The following SLC41A2 variants were observed in gnomAD, a reference collection of about 807,000 sequenced individuals.
SLC41A2 encodes the protein solute carrier family 41 member 2.
SLC41A2 carries 32 observed loss-of-function variants against 58.3 expected under a neutral mutation model. The observed-to-expected ratio is 0.55, with a 90% CI of 0.41 to 0.74. SLC41A2 has a LOEUF of 0.74. Among genes scored for constraint, SLC41A2 ranks in the 30% least tolerant of loss-of-function variants. SLC41A2 has a pLI of 0.00. For missense variants in SLC41A2, 514 were observed against 680.6 expected, an observed-to-expected ratio of 0.76 and a Z score of 2.72; for synonymous variants, 190 against 235.0, an observed-to-expected ratio of 0.81 and a Z score of 1.75.
At chr12:104,870,481 T>C (rs2043714445) in intron 6 of SLC41A2, among the ~76,000 whole-genome samples, 1 of 152,262 alleles carries the variant, frequency 6.6e-6, no homozygotes, top group Non-Finnish European at 1.5e-5. Context: ...TTGTGCTAAT[T>C]TGTTACAATG....
In SLC41A2 at chr12:104,854,388, C is replaced by G. The variant is rs1195763449; in HGVS notation, c.1255+6903G>C. 2.0e-5 allele frequency among the ~76,000 whole-genome samples: 3 copies of G among 152,028 alleles called. No individual in the cohort carries two copies. In the East Asian group the frequency reaches 5.8e-4, roughly 29 times the overall value. ...ACCATCCTGGCTAACACGGTGAAAC[C>G]CCGTCTCTACTAAAAATACAAAAAA... On this transcript the variant is annotated intron_variant, in intron 8 of 10. Transcript: ENST00000258538.
intron 1 of SLC41A2, among the ~76,000 whole-genome samples, chr12:104,940,404 G>A (rs1423865877): frequency 6.6e-6 from 1 of 151,292 alleles, no homozygotes; most frequent in Non-Finnish European, 1.5e-5. Context: ...GTTAAATGAC[G>A]AGTTAATGGG....
chr12:104,916,750 C>T (rs2046340506), intron 2 of SLC41A2, among the ~76,000 whole-genome samples: 1 of 152,126 alleles, frequency 6.6e-6, no homozygotes, highest in Admixed American at 6.5e-5. Context: ...ATAAATGGTG[C>T]TGGGAAAACT....
chr12:104,950,772 C>T (rs1345962226), intron 1 of SLC41A2, among the ~76,000 whole-genome samples: 1 of 152,054 alleles, frequency 6.6e-6, no homozygotes, highest in Non-Finnish European at 1.5e-5. Flanking sequence ...ATTGAAGCAC[C>T]CTGGTTTCCA....
At chr12:104,825,845 T>C (rs1565818171) in intron 10 of SLC41A2, among the ~76,000 whole-genome samples, 1 of 152,206 alleles carries the variant, frequency 6.6e-6, no homozygotes, top group Non-Finnish European at 1.5e-5. Context: ...CCATGCTTTA[T>C]GGCATGAACA....
chr12:104,812,865 CA>C (rs112437484), intron 10 of SLC41A2, among the ~76,000 whole-genome samples: 21 of 146,858 alleles, frequency 1.4e-4, no homozygotes, highest in East Asian at 1.4e-3. Flanking sequence ...GGAGCACTTG[CA>C]AAAAAAAAAA....
At chr12:104,878,019 T>C (rs538926539) in intron 6 of SLC41A2, among the ~76,000 whole-genome samples, 4 of 151,838 alleles carry the variant, frequency 2.6e-5, no homozygotes, top group African/African-American at 9.7e-5. Context: ...AAAAAATTAA[T>C]TAATTAATTA....
At chr12:104,938,989 A>G (rs949119786) in intron 1 of SLC41A2, among the ~76,000 whole-genome samples, 1 of 152,210 alleles carries the variant, frequency 6.6e-6, no homozygotes, top group African/African-American at 2.4e-5. Flanking sequence ...TTCCTAAAAA[A>G]TAAGTATACA....
In SLC41A2 at chr12:104,889,153, G is replaced by C. The variant is rs1241755504; in HGVS notation, c.760C>G (p.Leu254Val). 1 of 1,608,476 alleles carries C rather than the reference G, an allele frequency of 6.2e-7. No homozygotes were observed. The highest frequency in any genetic ancestry group is 1.1e-5 in the South Asian group (1 of 89,440). ...KQVQATVVGF[L>V]AAVAAIILGW... ...AATATAATTGCTGCCACAGCTGCTAGAAAACCCACTACTGTTGCCTGAACC... is the reference window on the plus strand; with the variant it reads ...AATATAATTGCTGCCACAGCTGCTACAAAACCCACTACTGTTGCCTGAACC... The change falls in exon 5 of 11, where the codon CTA becomes GTA. Residue 254 changes from leucine to valine, a missense_variant. Leu to Val is a conservative substitution (Grantham distance 32, BLOSUM62 1). Transcript: ENST00000258538.
intron 3 of SLC41A2, among the ~76,000 whole-genome samples, chr12:104,906,625 T>C (rs2045864893): frequency 6.6e-6 from 1 of 152,178 alleles, no homozygotes; most frequent in Non-Finnish European, 1.5e-5. Flanking sequence ...TATTTAAGTG[T>C]GTAAGTTTGT....
chr12:104,836,968 T>G (rs1182097131), intron 10 of SLC41A2, among the ~76,000 whole-genome samples: 2 of 152,214 alleles, frequency 1.3e-5, no homozygotes, highest in Non-Finnish European at 2.9e-5. Flanking sequence ...GAATGGCAAC[T>G]CGTAAAATCA....
chr12:104,862,116 C>G (rs2043236241), intron 7 of SLC41A2, among the ~76,000 whole-genome samples: 1 of 152,112 alleles, frequency 6.6e-6, no homozygotes, highest in Admixed American at 6.6e-5. Context: ...ATCCTGTGCC[C>G]AAATCTTCCA....
At chr12:104,924,301 C>A (rs904017666) in intron 2 of SLC41A2, among the ~76,000 whole-genome samples, 1 of 152,180 alleles carries the variant, frequency 6.6e-6, no homozygotes, top group Non-Finnish European at 1.5e-5. Context: ...ATTGAGATCT[C>A]TTGTACTCTG....
chr12:104,948,502 T>C (rs1045549396), intron 1 of SLC41A2, among the ~76,000 whole-genome samples: 3 of 152,196 alleles, frequency 2.0e-5, no homozygotes, highest in East Asian at 3.8e-4. Context: ...CATTTTATCT[T>C]TTGTAAAAAA....
chr12:104,832,106 A>AC (rs1326697181), intron 10 of SLC41A2, among the ~76,000 whole-genome samples: 1 of 152,190 alleles, frequency 6.6e-6, no homozygotes, highest in Non-Finnish European at 1.5e-5. Flanking sequence ...TCTTCAGCAT[A>AC]CCTTCAGAAG....
intron 6 of SLC41A2, among the ~76,000 whole-genome samples, chr12:104,878,469 C>G (rs932557062): frequency 1.3e-5 from 2 of 151,816 alleles, no homozygotes; most frequent in African/African-American, 4.8e-5. Flanking sequence ...CCCGTCCCCC[C>G]ACCCCACCAC....
intron 8 of SLC41A2, among the ~76,000 whole-genome samples, chr12:104,846,919 A>G (rs895033628): frequency 1.3e-5 from 2 of 152,214 alleles, no homozygotes; most frequent in Admixed American, 6.5e-5. Context: ...CATAAATAAT[A>G]TTTATCTCAG....
At chr12:104,817,433 C>A (rs1439827206) in intron 10 of SLC41A2, among the ~76,000 whole-genome samples, 1 of 152,122 alleles carries the variant, frequency 6.6e-6, no homozygotes, top group African/African-American at 2.4e-5. Flanking sequence ...ACTTAGCTGA[C>A]AGTAACTTTA....
At chr12:104,925,168 G>A (rs1002251525) in intron 2 of SLC41A2, among the ~76,000 whole-genome samples, 4 of 152,140 alleles carry the variant, frequency 2.6e-5, no homozygotes, top group African/African-American at 9.7e-5. Flanking sequence ...TTTATATTAC[G>A]AAAATCCAGA....
Sources: gnomAD v4.1 joint callset for allele counts (sites outside exome capture counted in the v4.1 genomes callset) on GRCh38, gnomAD v4.1.1 for gene constraint, MANE v1.5 for transcripts, NCBI Gene and HGNC (gene_info 2026-07-23, HGNC 2026-07-21) for gene names.